Variants in CSMD1 observed in about 807,000 individuals in gnomAD.
The protein encoded by CSMD1 is CUB and Sushi multiple domains 1.
In CSMD1, 213 loss-of-function variants were observed where a neutral mutation model predicts 417.5. That is an observed-to-expected ratio of 0.51 (90% CI 0.46 to 0.57). CSMD1 has a LOEUF of 0.57. Among genes scored for constraint, CSMD1 ranks in the 20% least tolerant of loss-of-function variants. The pLI, the probability that CSMD1 is intolerant of heterozygous loss-of-function variation, is 0.00. For synonymous variants in CSMD1, 2,862 were observed against 1,736.8 expected (o/e 1.65, Z -16.11); for missense variants, 6,923 against 4,529.7 (o/e 1.53, Z -15.17).
chr8:3,968,131 G>A (rs1042672821), intron 5 of CSMD1, among the ~76,000 whole-genome samples: 1 of 151,582 alleles, frequency 6.6e-6, no homozygotes, highest in African/African-American at 2.4e-5. Context: ...AGCTTGCAGT[G>A]AGCCGAGATC....
At chr8:4,110,649 C>T (rs370955128) in intron 3 of CSMD1, among the ~76,000 whole-genome samples, 2 of 140,564 alleles carry the variant, frequency 1.4e-5, no homozygotes, top group Non-Finnish European at 3.1e-5. Context: ...TGTGTGTGTG[C>T]ATGTGTGTGT....
At chr8:3,233,903 C>T (rs1013286448) in intron 26 of CSMD1, among the ~76,000 whole-genome samples, 1 of 152,062 alleles carries the variant, frequency 6.6e-6, no homozygotes, top group Non-Finnish European at 1.5e-5. Flanking sequence ...TTTTGGATCC[C>T]AGGGATGGTA....
intron 5 of CSMD1, among the ~76,000 whole-genome samples, chr8:3,840,698 T>TA (rs1563134473): frequency 8.6e-5 from 13 of 150,818 alleles, no homozygotes; most frequent in Middle Eastern, 3.4e-3. Context: ...TTTTAATTTT[T>TA]TTTTTTTTTT....
At chr8:4,331,571 A>C (rs1340053002) in intron 3 of CSMD1, among the ~76,000 whole-genome samples, 1 of 152,124 alleles carries the variant, frequency 6.6e-6, no homozygotes, top group Non-Finnish European at 1.5e-5. Flanking sequence ...CACAGCTGGG[A>C]GACTGCAGAC....
chr8:3,818,789 G>A (rs1290927153), intron 5 of CSMD1, among the ~76,000 whole-genome samples: 2 of 152,080 alleles, frequency 1.3e-5, no homozygotes, highest in Admixed American at 6.5e-5. Flanking sequence ...CAAAACACCC[G>A]ACCTACGTCC....
chr8:3,364,350 T>A (rs541898635), intron 20 of CSMD1, among the ~76,000 whole-genome samples: 2 of 152,346 alleles, frequency 1.3e-5, no homozygotes, highest in African/African-American at 4.8e-5. Context: ...ACTGTCTAGA[T>A]GAAATTTATT....
At chr8:3,337,720 C>T (rs1040320379) in intron 23 of CSMD1, among the ~76,000 whole-genome samples, 1 of 152,176 alleles carries the variant, frequency 6.6e-6, no homozygotes, top group South Asian at 2.1e-4. Flanking sequence ...GGAGTTTGGG[C>T]ACTGATCACA....
intron 3 of CSMD1, among the ~76,000 whole-genome samples, chr8:4,067,195 T>C (rs941573051): frequency 1.3e-5 from 2 of 152,234 alleles, no homozygotes; most frequent in Non-Finnish European, 2.9e-5. Context: ...CCTCCGTCTT[T>C]GCATCTATTT....
intron 1 of CSMD1, among the ~76,000 whole-genome samples, chr8:4,653,059 G>A (rs1043822528): frequency 2.0e-5 from 3 of 152,012 alleles, no homozygotes; most frequent in Admixed American, 1.3e-4. Context: ...TCCAGGGCTT[G>A]GGGACCCCGC....
At chr8:3,438,283 C>T (rs1814705982) in intron 12 of CSMD1, among the ~76,000 whole-genome samples, 1 of 152,158 alleles carries the variant, frequency 6.6e-6, no homozygotes, top group African/African-American at 2.4e-5. Context: ...CTTCGTGCAG[C>T]TTTCCCCAAT....
At chr8:4,558,328 T>G (rs1798183237) in intron 2 of CSMD1, among the ~76,000 whole-genome samples, 1 of 152,230 alleles carries the variant, frequency 6.6e-6, no homozygotes, top group African/African-American at 2.4e-5. Context: ...TCTTCACTTT[T>G]TTATGATTTA....
intron 12 of CSMD1, among the ~76,000 whole-genome samples, chr8:3,418,483 C>G (rs1286806143): frequency 6.6e-6 from 1 of 151,994 alleles, no homozygotes. Flanking sequence ...TATTGGTCAG[C>G]TATAATCATG....
chr8:3,764,925 T>C (rs1404893298), intron 5 of CSMD1, among the ~76,000 whole-genome samples: 1 of 151,880 alleles, frequency 6.6e-6, no homozygotes, highest in Non-Finnish European at 1.5e-5. Context: ...TTCGTATTTT[T>C]AGTAGAGACA....
chr8:3,876,105 C>T (rs1378150196), intron 5 of CSMD1, among the ~76,000 whole-genome samples: 1 of 151,818 alleles, frequency 6.6e-6, no homozygotes. Flanking sequence ...TGTTTTCTTC[C>T]TTTTAAAAAA....
At chr8:4,602,784 T>C (rs183290465) in intron 2 of CSMD1, among the ~76,000 whole-genome samples, 2 of 152,142 alleles carry the variant, frequency 1.3e-5, no homozygotes, top group Non-Finnish European at 2.9e-5. Context: ...GTCTAAATGA[T>C]GCCTTACAAT....
chr8:3,323,317 C>T (rs1301939849), intron 23 of CSMD1, among the ~76,000 whole-genome samples: 1 of 152,066 alleles, frequency 6.6e-6, no homozygotes, highest in Non-Finnish European at 1.5e-5. Context: ...TCTACCCTTC[C>T]CCATTTTCCC....
At chr8:3,731,399 T>C (rs976143750) in intron 6 of CSMD1, among the ~76,000 whole-genome samples, 1 of 152,170 alleles carries the variant, frequency 6.6e-6, no homozygotes, top group Non-Finnish European at 1.5e-5. Flanking sequence ...TTGCTTGTCT[T>C]GGTAAGAGTG....
At chr8:3,383,345 C>A (rs1481987853) in intron 18 of CSMD1, among the ~76,000 whole-genome samples, 1 of 152,142 alleles carries the variant, frequency 6.6e-6, no homozygotes, top group Non-Finnish European at 1.5e-5. Flanking sequence ...GTCTTCATTA[C>A]TCTGAACGGA....
At chr8:4,548,351 C>G (rs114823887) in intron 2 of CSMD1, among the ~76,000 whole-genome samples, 1,946 of 152,220 alleles carry the variant, frequency 0.013, 55 homozygotes, top group African/African-American at 0.044. Context: ...AGCAAATACT[C>G]TATCGTATTT....
Sources: gnomAD v4.1 joint callset for allele counts (sites outside exome capture counted in the v4.1 genomes callset) on GRCh38, gnomAD v4.1.1 for gene constraint, MANE v1.5 for transcripts, NCBI Gene and HGNC (gene_info 2026-07-23, HGNC 2026-07-21) for gene names.